The following SLC38A6 variants were observed in gnomAD, a reference collection of about 807,000 sequenced individuals.
The protein encoded by SLC38A6 is solute carrier family 38 member 6.
Under a neutral mutation model 65.0 loss-of-function variants are expected in SLC38A6, and 73 were observed. The observed-to-expected ratio is 1.12, with a 90% CI of 0.93 to 1.37. The LOEUF (loss-of-function observed/expected upper bound fraction) is 1.37. Among genes scored for constraint, SLC38A6 ranks in the 40% most tolerant of loss-of-function variants. SLC38A6 has a pLI of 0.00. For synonymous variants in SLC38A6, 183 were observed against 178.8 expected, an observed-to-expected ratio of 1.02 and a Z score of -0.19; for missense variants, 561 against 531.1, an observed-to-expected ratio of 1.06 and a Z score of -0.55.
intron 8 of SLC38A6, 78 bp from the exon 9 acceptor site, chr14:61,043,069 A>T: frequency 1.1e-6 from 1 of 885,196 alleles, no homozygotes; most frequent in Non-Finnish European, 1.8e-6. Context: ...AATTGAAATG[A>T]TACTGACCTA....
intron 6 of SLC38A6, chr14:61,034,328 T>C (rs2041199908): frequency 6.6e-6 from 1 of 152,146 alleles, no homozygotes; most frequent in Non-Finnish European, 1.5e-5. Flanking sequence ...TTTTTTTCTT[T>C]TAAAGAGTGA....
At chr14:61,014,892 C>G (rs980179007) in intron 3 of SLC38A6, among the ~76,000 whole-genome samples, 1 of 152,170 alleles carries the variant, frequency 6.6e-6, no homozygotes, top group Non-Finnish European at 1.5e-5. Context: ...GCTGGGAGAA[C>G]CACTACTCTC....
chr14:61,012,400 T>C (rs1266608288), intron 3 of SLC38A6, among the ~76,000 whole-genome samples: 1 of 152,190 alleles, frequency 6.6e-6, no homozygotes, highest in Non-Finnish European at 1.5e-5. Context: ...TCTGCTCTGA[T>C]CTTAGTTATT....
At chr14:61,026,358 T>C (rs2040612712) in intron 5 of SLC38A6, among the ~76,000 whole-genome samples, 1 of 152,142 alleles carries the variant, frequency 6.6e-6, no homozygotes, top group South Asian at 2.1e-4. Context: ...AGTAGAGTCA[T>C]AGCAGTAGAT....
At chr14:61,063,188 A>G (rs1057483604) in intron 15 of SLC38A6, among the ~76,000 whole-genome samples, 1 of 152,194 alleles carries the variant, frequency 6.6e-6, no homozygotes, top group Non-Finnish European at 1.5e-5. Flanking sequence ...TAATTTTGTT[A>G]GCATCAGTCA....
intron 3 of SLC38A6, among the ~76,000 whole-genome samples, chr14:61,013,442 T>G (rs941030350): frequency 1.3e-5 from 2 of 152,228 alleles, no homozygotes; most frequent in African/African-American, 2.4e-5. Flanking sequence ...GTTAGCTGGT[T>G]ATTTTGCTCG....
At chr14:61,070,382 G>T (rs531386217) in intron 15 of SLC38A6, among the ~76,000 whole-genome samples, 1 of 152,168 alleles carries the variant, frequency 6.6e-6, no homozygotes, top group Middle Eastern at 3.2e-3. Context: ...GCACATGGAA[G>T]AATTTTCTTC....
chr14:60,995,831 A>T (rs1182928934), intron 3 of SLC38A6, among the ~76,000 whole-genome samples: 1 of 152,326 alleles, frequency 6.6e-6, no homozygotes, highest in East Asian at 1.9e-4. Context: ...AAAAGGCAAA[A>T]CTATGCAGAA....
chr14:61,035,655 T>C (rs909055135), intron 6 of SLC38A6, among the ~76,000 whole-genome samples: 2 of 152,188 alleles, frequency 1.3e-5, no homozygotes, highest in Admixed American at 1.3e-4. Context: ...CATCCTTGAA[T>C]ATTTTTGTTT....
intron 3 of SLC38A6, among the ~76,000 whole-genome samples, chr14:60,986,341 A>T (rs2037448378): frequency 6.6e-6 from 1 of 152,212 alleles, no homozygotes; most frequent in Admixed American, 6.5e-5. Flanking sequence ...AACAAGGCAA[A>T]ACCAGTTTAG....
intron 3 of SLC38A6, among the ~76,000 whole-genome samples, chr14:61,005,757 C>T (rs1187246784): frequency 6.6e-6 from 1 of 151,832 alleles, no homozygotes; most frequent in African/African-American, 2.4e-5. Context: ...GCCATACTGC[C>T]CAAGGTAATT....
At chr14:61,033,288 T>C (rs1004326626) in intron 6 of SLC38A6, among the ~76,000 whole-genome samples, 5 of 152,002 alleles carry the variant, frequency 3.3e-5, no homozygotes, top group Admixed American at 6.6e-5. Context: ...CATTAAAATA[T>C]GGAAAAAAAC....
intron 3 of SLC38A6, among the ~76,000 whole-genome samples, chr14:61,005,429 A>G (rs1436845222): frequency 1.4e-5 from 2 of 140,650 alleles, no homozygotes; most frequent in African/African-American, 2.5e-5. Context: ...ATATCTAGAA[A>G]ACCCCATTGT....
chr14:60,989,682 C>T lies in SLC38A6; in HGVS notation c.310+4879C>T, dbSNP rs148248066. On this transcript the variant is annotated intron_variant, in intron 3 of 15. Coordinates refer to ENST00000267488, the MANE Select transcript of SLC38A6 (RefSeq NM_153811.3). ...GAGGTTGCAGTGAGCTGAGATCATG[C>T]TGTTGCACTTCAGCCTGGGGGACGG... Among the ~76,000 whole-genome samples the T allele has an allele frequency of 2.6e-4, 40 of 152,332 alleles. 2 individuals carry two copies. In the East Asian group the frequency reaches 7.7e-3, roughly 29 times the overall value.
At chr14:61,061,163 A>G (rs970286827) in intron 15 of SLC38A6, among the ~76,000 whole-genome samples, 6 of 152,126 alleles carry the variant, frequency 3.9e-5, no homozygotes, top group Non-Finnish European at 8.8e-5. Flanking sequence ...GTTGAATTTT[A>G]TCAGAAGCCT....
At chr14:61,015,808 A>C (rs897472655) in intron 3 of SLC38A6, 96 bp from the exon 4 acceptor site, 1 of 862,844 alleles carries the variant, frequency 1.2e-6, no homozygotes, top group African/African-American at 1.7e-5. Context: ...TAAGAATTAT[A>C]CTGTATTTAG....
At chr14:61,062,006 T>A (rs1352852038) in intron 15 of SLC38A6, among the ~76,000 whole-genome samples, 1 of 152,032 alleles carries the variant, frequency 6.6e-6, no homozygotes, top group Admixed American at 6.5e-5. Flanking sequence ...CCTGGCTAAT[T>A]TTTTCTATTT....
At chr14:60,984,921 G>T (rs1289613501) in intron 3 of SLC38A6, 118 bp downstream of exon 3, 1 of 965,002 alleles carries the variant, frequency 1.0e-6, no homozygotes, top group Non-Finnish European at 1.6e-6. Flanking sequence ...TATTAGATAG[G>T]GTGATCGGAA....
intron 3 of SLC38A6, among the ~76,000 whole-genome samples, chr14:61,005,093 T>A (rs995366651): frequency 2.6e-5 from 4 of 152,130 alleles, no homozygotes; most frequent in Admixed American, 6.5e-5. Flanking sequence ...AAACCACATG[T>A]TTATCTCAAT....
Sources: allele counts gnomAD v4.1 joint callset (sites outside exome capture counted in the v4.1 genomes callset), GRCh38; gene constraint gnomAD v4.1.1; transcripts MANE v1.5; gene names NCBI Gene and HGNC (gene_info 2026-07-23, HGNC 2026-07-21).